Variants in CLXN observed in about 807,000 individuals in gnomAD.
CLXN encodes the protein calaxin.
At chr8:48,714,448 G>A in the CLXN span, among the ~76,000 whole-genome samples, 15 of 152,172 alleles carry the variant, frequency 9.9e-5, no homozygotes, top group South Asian at 2.1e-4. Flanking sequence ...CAAGTGCCAC[G>A]ATCATCTTAA....
chr8:48,723,388 A>C, the CLXN span: 1 of 152,250 alleles, frequency 6.6e-6, no homozygotes, highest in Non-Finnish European at 1.5e-5. Flanking sequence ...ATATAAAAAA[A>C]ACTTGGACAG....
chr8:48,732,764 A>C, the CLXN span, among the ~76,000 whole-genome samples: 1 of 152,338 alleles, frequency 6.6e-6, no homozygotes, highest in East Asian at 1.9e-4. Context: ...TCATACAATG[A>C]AATATCATTC....
the CLXN span, among the ~76,000 whole-genome samples, chr8:48,729,522 CAA>C: frequency 6.6e-5 from 8 of 120,382 alleles, no homozygotes; most frequent in African/African-American, 1.2e-4. Context: ...GACCCTGTCT[CAA>C]AAAAAAAAAA....
chr8:48,733,048 G>T, the CLXN span, among the ~76,000 whole-genome samples: 1 of 152,102 alleles, frequency 6.6e-6, no homozygotes, highest in Non-Finnish European at 1.5e-5. Context: ...CAGTGTGAAT[G>T]TACTTAATGC....
At chr8:48,717,411 C>A in the CLXN span, among the ~76,000 whole-genome samples, 1 of 152,042 alleles carries the variant, frequency 6.6e-6, no homozygotes, top group Non-Finnish European at 1.5e-5. Flanking sequence ...AAAAAAAACC[C>A]TGCCAATCAA....
the CLXN span, chr8:48,729,653 A>G: frequency 2.0e-5 from 28 of 1,391,138 alleles, no homozygotes; most frequent in Non-Finnish European, 2.7e-5. Context: ...AATAATTTGA[A>G]TTCTTATTTC....
chr8:48,714,913 C>G, the CLXN span: 2 of 152,166 alleles, frequency 1.3e-5, no homozygotes, highest in Admixed American at 6.5e-5. Context: ...GTGGAAACAT[C>G]TGACATGTCA....
At chr8:48,719,287 T>C in the CLXN span, among the ~76,000 whole-genome samples, 2 of 152,148 alleles carry the variant, frequency 1.3e-5, no homozygotes, top group Non-Finnish European at 2.9e-5. Flanking sequence ...AGAAAGTTCC[T>C]AACAAAGAAA....
At chr8:48,724,910 G>A in the CLXN span, 1 of 790,140 alleles carries the variant, frequency 1.3e-6, no homozygotes, top group South Asian at 2.0e-5. Flanking sequence ...AGGGTTAGTG[G>A]GCATCGAGAA....
chr8:48,718,934 G>A, the CLXN span, among the ~76,000 whole-genome samples: 24 of 151,508 alleles, frequency 1.6e-4, no homozygotes, highest in Non-Finnish European at 2.4e-4. Context: ...TTAGCAGAAC[G>A]AAAGAAATAA....
the CLXN span, among the ~76,000 whole-genome samples, chr8:48,730,871 G>C: frequency 3.9e-5 from 6 of 151,980 alleles, no homozygotes; most frequent in African/African-American, 1.5e-4. Context: ...AATTCTCAAT[G>C]TCTAAGTATA....
the CLXN span, chr8:48,715,168 C>T: frequency 6.6e-6 from 1 of 152,180 alleles, no homozygotes; most frequent in Non-Finnish European, 1.5e-5. Flanking sequence ...TCAATATTTT[C>T]ATCTTATTTT....
At chr8:48,723,503 A>G in the CLXN span, 1 of 152,214 alleles carries the variant, frequency 6.6e-6, no homozygotes, top group Non-Finnish European at 1.5e-5. Flanking sequence ...ATGCATATGT[A>G]GTAAGAAAGA....
At chr8:48,717,850 A>C in the CLXN span, among the ~76,000 whole-genome samples, 14 of 152,298 alleles carry the variant, frequency 9.2e-5, no homozygotes, top group East Asian at 2.7e-3. Flanking sequence ...CCTTGAAATA[A>C]CTACCAAAAC....
At chr8:48,713,310 G>A in the CLXN span, among the ~76,000 whole-genome samples, 14 of 151,996 alleles carry the variant, frequency 9.2e-5, no homozygotes, top group Admixed American at 3.3e-4. Context: ...TTTTGTAGTC[G>A]CTCTATGTCT....
chr8:48,735,220 A>AC, the CLXN span: 1 of 1,565,720 alleles, frequency 6.4e-7, no homozygotes, highest in Non-Finnish European at 8.8e-7. Flanking sequence ...CCCTCGCGGG[A>AC]CCCCCGCGAG....
At chr8:48,732,161 G>A in the CLXN span, among the ~76,000 whole-genome samples, 20 of 152,252 alleles carry the variant, frequency 1.3e-4, no homozygotes, top group South Asian at 3.9e-3. Context: ...TTGTATAAAG[G>A]ACCATGGTTA....
At chr8:48,712,501 G>A in the CLXN span, 2 of 152,398 alleles carry the variant, frequency 1.3e-5, no homozygotes, top group Admixed American at 6.5e-5. Flanking sequence ...GAGAGGATGT[G>A]TGTTTTAGGC....
the CLXN span, among the ~76,000 whole-genome samples, chr8:48,732,345 A>G: frequency 6.6e-6 from 1 of 152,202 alleles, no homozygotes; most frequent in East Asian, 1.9e-4. Flanking sequence ...AAACAAGGAC[A>G]AAACCTGTGT....
Sources: allele counts gnomAD v4.1 joint callset (sites outside exome capture counted in the v4.1 genomes callset), GRCh38; gene constraint gnomAD v4.1.1; transcripts MANE v1.5; gene names NCBI Gene and HGNC (gene_info 2026-07-23, HGNC 2026-07-21).